Variants in ADRA1A observed in about 807,000 individuals in gnomAD.
ADRA1A encodes the protein adrenoceptor alpha 1A, also known as alpha-1A adrenergic receptor.
In ADRA1A, 31 loss-of-function variants were observed where a neutral mutation model predicts 29.6. That is an observed-to-expected ratio of 1.05 (90% CI 0.79 to 1.41). ADRA1A has a LOEUF of 1.41. Among genes scored for constraint, ADRA1A ranks in the 40% most tolerant of loss-of-function variants. ADRA1A has a pLI of 0.00. For synonymous variants in ADRA1A, 311 were observed against 254.3 expected, an observed-to-expected ratio of 1.22 and a Z score of -2.12; for missense variants, 619 against 601.1, an observed-to-expected ratio of 1.03 and a Z score of -0.31.
rs948396555 is a variant in ADRA1A at position 26,825,102 on chromosome 8, G to A, written c.883+38985C>T. ...GTTTGGTTGTTCAGAATTCAAGCAT[G>A]GCATAAAACAATGCCTGCATGCTCC... is the stretch of plus-strand genomic sequence containing the variant. On this transcript the variant is annotated intron_variant, in intron 2 of 2. Coordinates refer to ENST00000380573, the MANE Select transcript of ADRA1A (RefSeq NM_000680.4). This position sits in a 1 kb window ranked among gnomAD's most constrained non-coding sequence, Gnocchi z 5.7. 2.0e-5 allele frequency among the ~76,000 whole-genome samples: 3 copies of A among 152,134 alleles called. No homozygotes were observed. The South Asian group carries it at 6.2e-4, about 32-fold the overall frequency.
chr8:26,865,018 G>A lies in ADRA1A; in HGVS notation c.-49C>T, dbSNP rs34259227. 5.2e-6 allele frequency: 8 copies of A among 1,529,154 alleles called. No homozygotes were observed. The South Asian group carries it at 1.0e-4, about 19-fold the overall frequency. 94.7% of individuals were successfully genotyped at this position (1,529,154 alleles called of 1,614,324 possible). On this transcript the variant is annotated 5_prime_UTR_variant, in exon 2 of 3. Transcript: ENST00000380573. This position sits in a 1 kb window ranked among gnomAD's most constrained non-coding sequence, Gnocchi z 7.6. ...GTCCGGCTGTCCAGGGCCACCTCCC[G>A]GGCTGGCGCGGAGGCGGGAGCGCGG...
chr8:26,786,229 T>C (rs780576348), intron 2 of ADRA1A, among the ~76,000 whole-genome samples: 11 of 131,398 alleles, frequency 8.4e-5, no homozygotes, highest in Non-Finnish European at 1.5e-4. Context: ...CTTTTTTATT[T>C]TTATTTTTAA....
chr8:26,859,308 C>T lies in ADRA1A; in HGVS notation c.883+4779G>A, dbSNP rs61757004. ...AAAAAAACATATAACATCTCGTTGA[C>T]GACCCAGCAGAAGTAGTGCCATCTT... On this transcript the variant is annotated intron_variant, in intron 2 of 2. Coordinates refer to ENST00000380573, the MANE Select transcript of ADRA1A (RefSeq NM_000680.4). The T allele has an allele frequency of 1.9e-3, 1,355 of 731,536 alleles. 17 individuals are homozygous for T. The African/African-American group carries it at 0.022, about 12-fold the overall frequency. The allele number at this position is 731,536 out of a possible 1,614,324, so 45.3% of individuals were successfully genotyped here. A position where few individuals can be genotyped will look rare whatever the true frequency, so the allele number is the denominator to read the frequency against.
At chr8:26,758,160 T>C (rs1362575468) in intron 2 of ADRA1A, among the ~76,000 whole-genome samples, 1 of 152,112 alleles carries the variant, frequency 6.6e-6, no homozygotes, top group African/African-American at 2.4e-5. Flanking sequence ...AACTGAGAGT[T>C]GGGATTTAGT....
At chr8:26,840,375 T>C (rs1811729776) in intron 2 of ADRA1A, among the ~76,000 whole-genome samples, 1 of 152,174 alleles carries the variant, frequency 6.6e-6, no homozygotes, top group South Asian at 2.1e-4. Context: ...GAGATCCATA[T>C]TGACACCTGA....
intron 2 of ADRA1A, among the ~76,000 whole-genome samples, chr8:26,750,847 A>T (rs1383727048): frequency 6.6e-6 from 1 of 152,208 alleles, no homozygotes; most frequent in Non-Finnish European, 1.5e-5. Flanking sequence ...AGGCGGGCAG[A>T]TCACCTGAGG....
intron 2 of ADRA1A, among the ~76,000 whole-genome samples, chr8:26,857,816 G>A (rs568897830): frequency 8.5e-5 from 13 of 152,264 alleles, no homozygotes; most frequent in Middle Eastern, 3.4e-3. Context: ...TTGGGCATCC[G>A]CAGAGGGTTT....
intron 2 of ADRA1A, among the ~76,000 whole-genome samples, chr8:26,758,343 C>T (rs2130188929): frequency 6.6e-6 from 1 of 152,320 alleles, no homozygotes; most frequent in African/African-American, 2.4e-5. Flanking sequence ...GACTTATTTT[C>T]TCTCTTCCTG....
At chr8:26,779,560 G>T (rs61760543) in intron 2 of ADRA1A, 5 of 576,574 alleles carry the variant, frequency 8.7e-6, no homozygotes, top group African/African-American at 1.9e-5. Context: ...ATGAAGGAAC[G>T]TGGTGGAGAG....
Position 26,865,169 on chromosome 8 carries a change from A to G in ADRA1A, c.-200T>C. The G allele has an allele frequency of 7.1e-7, 1 of 1,417,254 alleles. No individual in the cohort carries two copies. Among genetic ancestry groups the G allele is most frequent in the South Asian group, 1.5e-5 (1 of 67,270 alleles). 87.8% of individuals were successfully genotyped at this position (1,417,254 alleles called of 1,614,324 possible). A position where few individuals can be genotyped will look rare whatever the true frequency, so the allele number is the denominator to read the frequency against. On this transcript the variant is annotated 5_prime_UTR_variant, in exon 2 of 3. Coordinates refer to ENST00000380573, the MANE Select transcript of ADRA1A (RefSeq NM_000680.4). The surrounding 1 kb of genome is among the most constrained non-coding windows in gnomAD (Gnocchi z 7.6). The stretch of plus-strand genomic sequence containing the variant: ...CTGGGAACCCTCAGAAGGCCACATG[A>G]AGGGGCAGGGCATTAAAGACATGGC...
chr8:26,828,753 C>A (rs573035945), intron 2 of ADRA1A, among the ~76,000 whole-genome samples: 87 of 152,074 alleles, frequency 5.7e-4, no homozygotes, highest in Non-Finnish European at 1.1e-3. Flanking sequence ...TTATTTCAAG[C>A]CTTTGTGGTC....
downstream of ADRA1A, chr8:26,765,890 A>C (rs1038110497): frequency 2.9e-5 from 41 of 1,421,554 alleles, no homozygotes; most frequent in Non-Finnish European, 3.7e-5. Flanking sequence ...AATAGTTCCT[A>C]AAATGTTCTC....
At chr8:26,818,890 AAGAG>A (rs199933241) in intron 2 of ADRA1A, among the ~76,000 whole-genome samples, 1 of 151,622 alleles carries the variant, frequency 6.6e-6, no homozygotes, top group African/African-American at 2.4e-5. Flanking sequence ...TTAAGAGGAA[AAGAG>A]AGAGAGAGAG....
intron 2 of ADRA1A, among the ~76,000 whole-genome samples, chr8:26,838,874 C>G (rs1233585595): frequency 6.6e-6 from 1 of 152,126 alleles, no homozygotes; most frequent in Non-Finnish European, 1.5e-5. Context: ...TCAGGTAAAC[C>G]ACCAGTGTGT....
intron 2 of ADRA1A, among the ~76,000 whole-genome samples, chr8:26,850,958 C>T (rs1269122111): frequency 6.6e-6 from 1 of 152,180 alleles, no homozygotes; most frequent in African/African-American, 2.4e-5. Context: ...CAGGGCATGG[C>T]CAACCTAGCT....
downstream of ADRA1A, among the ~76,000 whole-genome samples, chr8:26,762,312 C>A (rs1805549554): frequency 6.6e-6 from 1 of 152,114 alleles, no homozygotes; most frequent in African/African-American, 2.4e-5. This position sits in a 1 kb window ranked among gnomAD's most constrained non-coding sequence, Gnocchi z 4.0. Context: ...GGCAGCACTG[C>A]AAGCAGAGGG....
At chr8:26,795,882 A>C (rs1585706640) in intron 2 of ADRA1A, among the ~76,000 whole-genome samples, 1 of 152,124 alleles carries the variant, frequency 6.6e-6, no homozygotes, top group Admixed American at 6.6e-5. Flanking sequence ...AAGAAAGCGT[A>C]AGGGAGAACT....
At position 26,841,737 on chromosome 8, in the gene ADRA1A, T is replaced by A. The variant is rs535724530; in HGVS notation, c.883+22350A>T. 2.0e-4 allele frequency among the ~76,000 whole-genome samples: 30 copies of A among 152,294 alleles called. No individual in the cohort carries two copies. Among genetic ancestry groups the A allele is most frequent in the African/African-American group, 7.2e-4 (30 of 41,570 alleles). On this transcript the variant is annotated intron_variant, in intron 2 of 2. Coordinates refer to ENST00000380573, the MANE Select transcript of ADRA1A (RefSeq NM_000680.4). The surrounding 1 kb of genome is among the most constrained non-coding windows in gnomAD (Gnocchi z 4.4). The stretch of plus-strand genomic sequence containing the variant: ...CTGGTGGCATTCCTATTTAGTGACA[T>A]CTCTTCCCAACTCTGCATCAGCTTT...
chr8:26,822,589 A>G (rs556200134), intron 2 of ADRA1A, among the ~76,000 whole-genome samples: 1 of 152,254 alleles, frequency 6.6e-6, no homozygotes, highest in Non-Finnish European at 1.5e-5. Context: ...AGAAAACTGC[A>G]TGAAAGACAT....
Sources: allele counts gnomAD v4.1 joint callset (sites outside exome capture counted in the v4.1 genomes callset), GRCh38; gene constraint gnomAD v4.1.1; non-coding constraint Gnocchi (gnomAD v3.1); transcripts MANE v1.5; gene names NCBI Gene and HGNC (gene_info 2026-07-23, HGNC 2026-07-21).